BCAS4: variants seen among roughly 807,000 people sequenced by gnomAD.
BCAS4 encodes breast carcinoma amplified sequence 4.
In BCAS4, 9 loss-of-function variants were observed where a neutral mutation model predicts 15.7. The ratio of observed to expected loss-of-function variants is 0.57; its 90% confidence interval spans 0.34 to 1.00. BCAS4 has a LOEUF of 1.00. BCAS4 is among the 50% of genes least tolerant of loss of function. The probability of loss-of-function intolerance (pLI) is 0.02; values close to 1 mark genes in which losing one functional copy is unlikely to be tolerated. For missense variants in BCAS4, 225 were observed against 239.1 expected (o/e 0.94, Z 0.39); for synonymous variants, 101 against 99.5 (o/e 1.02, Z -0.09).
At chr20:50,843,058 C>G (rs1256316188) in intron 4 of BCAS4, among the ~76,000 whole-genome samples, 4 of 152,190 alleles carry the variant, frequency 2.6e-5, no homozygotes, top group Admixed American at 2.6e-4. Context: ...CTCCTGGGCT[C>G]AAGTGATCCT....
intron 3 of BCAS4, 41 bp downstream of exon 3, chr20:50,830,421 A>T (rs2088330123): frequency 6.5e-7 from 1 of 1,549,494 alleles, no homozygotes. Context: ...TGTGGACTTG[A>T]TCTTGCTTTT....
At chr20:50,866,412 C>G (rs1979360864) in intron 4 of BCAS4, among the ~76,000 whole-genome samples, 2 of 152,242 alleles carry the variant, frequency 1.3e-5, no homozygotes, top group Non-Finnish European at 2.9e-5. Context: ...AGTGACAAAC[C>G]AGACAGCGCA....
intron 4 of BCAS4, among the ~76,000 whole-genome samples, chr20:50,865,345 C>T (rs562298602): frequency 1.3e-5 from 2 of 152,112 alleles, no homozygotes; most frequent in African/African-American, 4.8e-5. Context: ...GGACCAGACT[C>T]GATCAGGAGC....
At chr20:50,847,019 A>G (rs957688854) in intron 4 of BCAS4, among the ~76,000 whole-genome samples, 3 of 152,056 alleles carry the variant, frequency 2.0e-5, no homozygotes, top group African/African-American at 7.2e-5. Flanking sequence ...TTGCTAGAAA[A>G]CTGTTTGGAT....
chr20:50,796,515 A>G (rs2087866714), intron 1 of BCAS4, among the ~76,000 whole-genome samples: 1 of 2,758 alleles, frequency 3.6e-4, no homozygotes. Context: ...TTTTTTTTTG[A>G]GATGGAGTCT....
chr20:50,833,782 A>G (rs181063482), intron 3 of BCAS4, among the ~76,000 whole-genome samples: 2 of 152,312 alleles, frequency 1.3e-5, no homozygotes, highest in African/African-American at 4.8e-5. Context: ...GGTGCTGGGC[A>G]TATGGCCGAG....
chr20:50,804,528 C>T (rs1290744271), intron 1 of BCAS4, among the ~76,000 whole-genome samples: 2 of 152,194 alleles, frequency 1.3e-5, no homozygotes, highest in Non-Finnish European at 2.9e-5. Context: ...CAATAAATAT[C>T]TCTGCACATA....
chr20:50,856,952 C>A (rs540644718), intron 4 of BCAS4, among the ~76,000 whole-genome samples: 1 of 152,134 alleles, frequency 6.6e-6, no homozygotes, highest in Non-Finnish European at 1.5e-5. Flanking sequence ...AACTGGCTCC[C>A]GTAACTGTGA....
rs148191395 is a variant in BCAS4, at chr20:50,858,459, G to A, written c.399+16559G>A. On this transcript the variant is annotated intron_variant, in intron 4 of 4. Coordinates refer to ENST00000371608, the MANE Select transcript of BCAS4 (RefSeq NM_198799.4). ...TGTACTAAAAATAGAAAAATTAGCC[G>A]GGCATGGTGGCAAGCGCCTGTAATC... is the stretch of plus-strand genomic sequence containing the variant. Among the ~76,000 whole-genome samples the A allele has an allele frequency of 6.4e-3, 973 of 152,090 alleles. 3 individuals are homozygous for A. The highest frequency in any genetic ancestry group is 8.3e-3 in the Non-Finnish European group (561 of 67,996).
Position 50,841,786 on chromosome 20 carries a change from A to G in BCAS4, c.285A>G (p.Gly95=). The change falls in exon 4 of 5, where the codon GGA becomes GGG. Residue 95 remains glycine (G), a synonymous_variant. Coordinates refer to ENST00000371608, the MANE Select transcript of BCAS4 (RefSeq NM_198799.4). ...DRLEAFVKMV[G]HHVAFLEADV... Reference sequence around the variant, plus strand: ...CTCAGGCCTTCGTCAAGATGGTTGGACACCACGTCGCCTTCCTGGAAGCAG... The same window carrying G: ...CTCAGGCCTTCGTCAAGATGGTTGGGCACCACGTCGCCTTCCTGGAAGCAG... 4 of 1,613,944 alleles carry G rather than the reference A, an allele frequency of 2.5e-6. No homozygotes were observed. Among genetic ancestry groups the G allele is most frequent in the Non-Finnish European group, 2.5e-6 (3 of 1,179,988 alleles).
At chr20:50,841,064 A>G (rs2088474632) in intron 3 of BCAS4, 4 of 338,058 alleles carry the variant, frequency 1.2e-5, no homozygotes, top group South Asian at 9.9e-5. Flanking sequence ...TCCTGACCTC[A>G]GGTGATCTAC....
At chr20:50,817,816 G>T (rs905564329) in intron 1 of BCAS4, among the ~76,000 whole-genome samples, 2 of 151,992 alleles carry the variant, frequency 1.3e-5, no homozygotes, top group Non-Finnish European at 2.9e-5. Context: ...CAGGCTGTGA[G>T]GTTGTGGACT....
In BCAS4 at chr20:50,829,431, C is replaced by T. The variant is rs181144606; in HGVS notation, c.163-848C>T. Among the ~76,000 whole-genome samples the T allele has an allele frequency of 4.0e-4, 61 of 151,994 alleles. 1 individual carries two copies. Among genetic ancestry groups the T allele is most frequent in the Middle Eastern group, 6.8e-3 (2 of 294 alleles). ...CTAATGTTTGTATTTTTAGTAGAGA[C>T]GGGGTTTCACCATGTTGGCCAGGCT... is the stretch of plus-strand genomic sequence containing the variant. On this transcript the variant is annotated intron_variant, in intron 2 of 4. Coordinates refer to ENST00000371608, the MANE Select transcript of BCAS4 (RefSeq NM_198799.4).
chr20:50,840,771 C>T (rs537084749), intron 3 of BCAS4: 21 of 1,557,826 alleles, frequency 1.3e-5, no homozygotes, highest in African/African-American at 8.1e-5. Context: ...AGAAGCGGAG[C>T]GAGGCACGCG....
chr20:50,849,833 A>G (rs1037948483), intron 4 of BCAS4, among the ~76,000 whole-genome samples: 12 of 152,148 alleles, frequency 7.9e-5, no homozygotes, highest in African/African-American at 2.9e-4. Context: ...TACTGTGTGG[A>G]AAAACATGTT....
intron 1 of BCAS4, among the ~76,000 whole-genome samples, chr20:50,796,478 TATATATATA>T (rs1331496621): frequency 4.1e-4 from 6 of 14,620 alleles, no homozygotes; most frequent in African/African-American, 1.2e-3. Flanking sequence ...TATATATATA[TATATATATA>T]TTTTTTTTTT....
chr20:50,875,786 GA>G (rs34402774), intron 4 of BCAS4, among the ~76,000 whole-genome samples: 92 of 144,306 alleles, frequency 6.4e-4, no homozygotes, highest in Middle Eastern at 3.6e-3. Flanking sequence ...CGTCTCAAAA[GA>G]AAAAAAAAAA....
chr20:50,819,811 TGTCTTTCC>T lies in BCAS4; in HGVS notation c.162+1538_162+1545del, dbSNP rs376377897. Reference sequence around the variant, plus strand: ...TTGTCTTTCTGTCTTTCCGTCTTTCTGTCTTTCCGTCTTTCCCTCCGTCCCTCCCTTCC... The same window carrying T: ...TTGTCTTTCTGTCTTTCCGTCTTTCTGTCTTTCCCTCCGTCCCTCCCTTCC... On this transcript the variant is annotated intron_variant, in intron 2 of 4. Coordinates refer to ENST00000371608, the MANE Select transcript of BCAS4 (RefSeq NM_198799.4). Among the ~76,000 whole-genome samples the T allele has an allele frequency of 8.9e-3, 1,235 of 138,612 alleles. 16 individuals are homozygous for T. The highest frequency in any genetic ancestry group is 0.031 in the African/African-American group (1,157 of 37,212). The allele number at this position is 138,612 out of a possible 152,430, so 90.9% of individuals were successfully genotyped here.
chr20:50,873,574 C>T (rs1979764170), intron 4 of BCAS4, among the ~76,000 whole-genome samples: 1 of 152,240 alleles, frequency 6.6e-6, no homozygotes, highest in Admixed American at 6.5e-5. Context: ...AGGTGAAATT[C>T]CACACCTGTG....
Sources: allele counts gnomAD v4.1 joint callset (sites outside exome capture counted in the v4.1 genomes callset), GRCh38; gene constraint gnomAD v4.1.1; transcripts MANE v1.5; gene names NCBI Gene and HGNC (gene_info 2026-07-23, HGNC 2026-07-21).